The following MAP3K13 variants were observed in gnomAD, a reference collection of about 807,000 sequenced individuals.
MAP3K13 encodes the protein leucine zipper-bearing kinase.
Under a neutral mutation model 104.0 loss-of-function variants are expected in MAP3K13, and 52 were observed. The ratio of observed to expected loss-of-function variants is 0.50; its 90% CI spans 0.40 to 0.63. The LOEUF is 0.63. MAP3K13 is among the 20% of genes least tolerant of loss of function. The pLI is 0.00. For missense variants in MAP3K13, 914 were observed against 1,218.5 expected (o/e 0.75, Z 3.72); for synonymous variants, 394 against 442.2 (o/e 0.89, Z 1.37).
intron 1 of MAP3K13, among the ~76,000 whole-genome samples, chr3:185,414,399 AG>A (rs1386948992): frequency 6.6e-6 from 1 of 152,224 alleles, no homozygotes; most frequent in Non-Finnish European, 1.5e-5. Flanking sequence ...AAAAAGGACA[AG>A]GTACAGAGAT....
At chr3:185,457,547 T>G (rs191139819) in intron 7 of MAP3K13, among the ~76,000 whole-genome samples, 68 of 152,288 alleles carry the variant, frequency 4.5e-4, no homozygotes, top group African/African-American at 1.6e-3. Context: ...ACTTTTCTCA[T>G]TCATGAGGGC....
rs1375332962 is a variant in MAP3K13, at chr3:185,486,090, T to C, written c.*3634T>C. ...AAACACTGGCAGTTTTGTCCAATTC[T>C]TGCCCACCTTTAGTGGCAACAGAGA... is the stretch of plus-strand genomic sequence containing the variant. On this transcript the variant is annotated 3_prime_UTR_variant, in exon 14 of 14. Transcript: ENST00000265026. 3 of 152,224 alleles carry C rather than the reference T, an allele frequency of 2.0e-5. No homozygotes were observed. The highest frequency in any genetic ancestry group is 6.5e-5 in the Admixed American group (1 of 15,282). The allele number at this position is 152,224 out of a possible 1,614,324, so 9.4% of individuals were successfully genotyped here.
At chr3:185,301,345 A>G (rs534753969) in intron 2 of MAP3K13, among the ~76,000 whole-genome samples, 22 of 151,092 alleles carry the variant, frequency 1.5e-4, no homozygotes, top group Non-Finnish European at 2.5e-4. Context: ...GAGTTGTAAG[A>G]CTTCATTATA....
chr3:185,407,500 C>T (rs1037838869), intron 1 of MAP3K13, among the ~76,000 whole-genome samples: 1 of 152,114 alleles, frequency 6.6e-6, no homozygotes, highest in Admixed American at 6.5e-5. Context: ...CCACACCATG[C>T]GCAATTAAAT....
chr3:185,305,242 T>G (rs982886248), intron 2 of MAP3K13, among the ~76,000 whole-genome samples: 8 of 152,296 alleles, frequency 5.3e-5, no homozygotes, highest in Admixed American at 2.0e-4. Flanking sequence ...GAGAGAGACA[T>G]GCTTTGACAC....
chr3:185,400,544 A>G (rs1009287774), intron 1 of MAP3K13, among the ~76,000 whole-genome samples: 1 of 152,186 alleles, frequency 6.6e-6, no homozygotes, highest in African/African-American at 2.4e-5. Flanking sequence ...GCAAATATCT[A>G]AGTGACCACT....
At chr3:185,299,128 C>T (rs966667866) in intron 2 of MAP3K13, among the ~76,000 whole-genome samples, 1 of 152,150 alleles carries the variant, frequency 6.6e-6, no homozygotes, top group Middle Eastern at 3.2e-3. Context: ...TGATAATCCA[C>T]AAAGTCATGA....
At chr3:185,366,707 A>G (rs981503121) in intron 1 of MAP3K13, among the ~76,000 whole-genome samples, 3 of 152,188 alleles carry the variant, frequency 2.0e-5, no homozygotes, top group Non-Finnish European at 4.4e-5. Flanking sequence ...GGATCTTTTT[A>G]TGTGCTTATT....
chr3:185,348,633 G>A (rs574874152), intron 2 of MAP3K13, among the ~76,000 whole-genome samples: 25 of 152,154 alleles, frequency 1.6e-4, no homozygotes, highest in Admixed American at 1.6e-3. Flanking sequence ...TATAAGATAG[G>A]CCTGGCCAGG....
At chr3:185,455,266 G>T (rs1450582563) in intron 7 of MAP3K13, among the ~76,000 whole-genome samples, 1 of 17,792 alleles carries the variant, frequency 5.6e-5, no homozygotes, top group Non-Finnish European at 1.9e-4. Flanking sequence ...AGATATATGA[G>T]ATATATATGA....
intron 1 of MAP3K13, among the ~76,000 whole-genome samples, chr3:185,414,810 C>A (rs1420613772): frequency 6.6e-6 from 1 of 152,156 alleles, no homozygotes; most frequent in East Asian, 1.9e-4. Context: ...TACTGTCCAA[C>A]TAAACAATCC....
intron 2 of MAP3K13, among the ~76,000 whole-genome samples, chr3:185,288,123 G>A (rs140422294): frequency 2.6e-5 from 4 of 152,220 alleles, no homozygotes; most frequent in African/African-American, 9.6e-5. Flanking sequence ...TCAGTGAGTG[G>A]GATGCCTAGA....
At chr3:185,389,322 A>G (rs1711894840) in intron 1 of MAP3K13, among the ~76,000 whole-genome samples, 1 of 152,158 alleles carries the variant, frequency 6.6e-6, no homozygotes, top group African/African-American at 2.4e-5. Flanking sequence ...TATTAGCTGT[A>G]TGCCTTGGGT....
chr3:185,291,970 G>A (rs1560035656), intron 2 of MAP3K13: 8 of 1,073,478 alleles, frequency 7.5e-6, no homozygotes, highest in Middle Eastern at 4.2e-4. Context: ...GCATAAATTT[G>A]GTGAATTTAG....
chr3:185,445,189 C>T (rs1180824568), intron 4 of MAP3K13, among the ~76,000 whole-genome samples: 1 of 152,072 alleles, frequency 6.6e-6, no homozygotes, highest in Non-Finnish European at 1.5e-5. Context: ...AGTCATGGGG[C>T]TAGGACTCGA....
chr3:185,343,879 A>C (rs1424367895), intron 2 of MAP3K13, among the ~76,000 whole-genome samples: 1 of 152,204 alleles, frequency 6.6e-6, no homozygotes, highest in Non-Finnish European at 1.5e-5. Flanking sequence ...AGCTAACTAG[A>C]TTGACCTAAG....
chr3:185,444,439 C>T (rs545280216), intron 4 of MAP3K13, among the ~76,000 whole-genome samples: 98 of 152,132 alleles, frequency 6.4e-4, no homozygotes, highest in African/African-American at 2.3e-3. Context: ...AATTATATGC[C>T]GTAAGATTCT....
intron 2 of MAP3K13, among the ~76,000 whole-genome samples, chr3:185,347,780 G>A (rs997272031): frequency 1.1e-4 from 17 of 152,004 alleles, no homozygotes; most frequent in African/African-American, 2.2e-4. Flanking sequence ...AAGTCGAGGC[G>A]GGTGGATCAC....
intron 3 of MAP3K13, among the ~76,000 whole-genome samples, chr3:185,439,784 C>T (rs2148890410): frequency 6.6e-6 from 1 of 152,302 alleles, no homozygotes; most frequent in East Asian, 1.9e-4. Flanking sequence ...GACTCTCCTA[C>T]CTGCATATGC....
Sources: gnomAD v4.1 joint callset for allele counts (sites outside exome capture counted in the v4.1 genomes callset) on GRCh38, gnomAD v4.1.1 for gene constraint, MANE v1.5 for transcripts, NCBI Gene and HGNC (gene_info 2026-07-23, HGNC 2026-07-21) for gene names.